The following SH3RF1 variants were observed in gnomAD, a reference collection of about 807,000 sequenced individuals.
SH3RF1 encodes the protein SH3 domain containing ring finger 1, also known as E3 ubiquitin-protein ligase SH3RF1.
SH3RF1 carries 32 observed loss-of-function variants against 74.0 expected under a neutral mutation model. The observed-to-expected ratio is 0.43, with a 90% CI of 0.33 to 0.58. The LOEUF is 0.58. SH3RF1 is among the 20% of genes least tolerant of loss of function. The probability of loss-of-function intolerance (pLI) is 0.05; values close to 1 mark genes in which losing one functional copy is unlikely to be tolerated. For missense variants in SH3RF1, 954 were observed against 1,130.9 expected, an observed-to-expected ratio of 0.84 and a Z score of 2.24; for synonymous variants, 396 against 439.6, an observed-to-expected ratio of 0.90 and a Z score of 1.24.
At chr4:169,250,337 G>T (rs544437432) in intron 2 of SH3RF1, among the ~76,000 whole-genome samples, 1 of 151,250 alleles carries the variant, frequency 6.6e-6, no homozygotes, top group African/African-American at 2.4e-5. Context: ...AAAAGCTTGC[G>T]GCAAGATTAT....
chr4:169,195,799 C>A (rs1734798718), intron 2 of SH3RF1, among the ~76,000 whole-genome samples: 1 of 152,070 alleles, frequency 6.6e-6, no homozygotes, highest in Admixed American at 6.6e-5. Context: ...CACAAGTTCT[C>A]TTGAATTTTT....
intron 6 of SH3RF1, among the ~76,000 whole-genome samples, chr4:169,126,195 C>T (rs1733521096): frequency 1.3e-5 from 2 of 152,216 alleles, no homozygotes; most frequent in Non-Finnish European, 2.9e-5. Flanking sequence ...CCTAGCTTTG[C>T]AGCTAGAAGA....
chr4:169,190,970 A>G (rs557182989), intron 2 of SH3RF1, among the ~76,000 whole-genome samples: 2 of 152,298 alleles, frequency 1.3e-5, no homozygotes, highest in East Asian at 3.9e-4. Context: ...AAAAACAAAA[A>G]TCACATCATC....
chr4:169,150,516 G>C (rs1733959002), intron 4 of SH3RF1, among the ~76,000 whole-genome samples: 1 of 152,054 alleles, frequency 6.6e-6, no homozygotes. Context: ...TCCACTCTCA[G>C]CATTTTTCAA....
At position 169,164,874 on chromosome 4, in the gene SH3RF1, C is replaced by T. The variant is rs1001968953; in HGVS notation, c.394-8195G>A. Among the ~76,000 whole-genome samples the T allele has an allele frequency of 2.6e-5, 4 of 152,228 alleles. No individual in the cohort carries two copies. The South Asian group carries it at 6.2e-4, about 24-fold the overall frequency. On this transcript the variant is annotated intron_variant, in intron 2 of 11. Coordinates refer to ENST00000284637, the MANE Select transcript of SH3RF1 (RefSeq NM_020870.4). ...TGATATGGCATTTCTCTTGGATGGC[C>T]TTAGTACCCAACTGACAGATAAATC...
Position 169,238,964 on chromosome 4 carries a change from G to GC in SH3RF1, c.393+29855dup, listed in dbSNP as rs33954575. 8.4e-3 allele frequency among the ~76,000 whole-genome samples: 1,230 copies of GC among 146,882 alleles called. 25 individuals carry two copies. Among genetic ancestry groups the GC allele is most frequent in the African/African-American group, 0.029 (1,158 of 39,568 alleles). ...GTAAATGACTTCAAAGCTAATTTCC[G>GC]CCCCCCCCCACCCCTTGCCCTTTTT... is the stretch of plus-strand genomic sequence containing the variant. On this transcript the variant is annotated intron_variant, in intron 2 of 11. Transcript: ENST00000284637.
At chr4:169,112,484 T>C (rs937638263) in intron 10 of SH3RF1, among the ~76,000 whole-genome samples, 11 of 152,308 alleles carry the variant, frequency 7.2e-5, no homozygotes, top group African/African-American at 2.6e-4. Context: ...AAAGAAAATA[T>C]ATGCATGACC....
intron 2 of SH3RF1, among the ~76,000 whole-genome samples, chr4:169,181,465 G>A (rs904100968): frequency 1.4e-4 from 22 of 151,884 alleles, no homozygotes; most frequent in Middle Eastern, 3.2e-3. Flanking sequence ...GTTTCACCAT[G>A]TTGGCCAGGA....
intron 2 of SH3RF1, among the ~76,000 whole-genome samples, chr4:169,158,618 G>C (rs1734100569): frequency 6.6e-6 from 1 of 152,200 alleles, no homozygotes; most frequent in African/African-American, 2.4e-5. Flanking sequence ...GACGTGAAGT[G>C]GGCAGGCAGG....
chr4:169,163,887 T>TAAAATTTTTATGTCTGTCAAAAGC (rs1734190589), intron 2 of SH3RF1, among the ~76,000 whole-genome samples: 1 of 152,204 alleles, frequency 6.6e-6, no homozygotes, highest in African/African-American at 2.4e-5. Flanking sequence ...TATGTCTGTC[T>TAAAATTTTTATGTCTGTCAAAAGC]AGGATGACTG....
Position 169,264,868 on chromosome 4 carries a change from G to A in SH3RF1, c.393+3952C>T, listed in dbSNP as rs1447682083. On this transcript the variant is annotated intron_variant, in intron 2 of 11. Transcript: ENST00000284637. ...ACTTACCTTCTGTCAGTTCTTCCTA[G>A]GAGGCACATCCCTTCCTGTTTAGGT... Among the ~76,000 whole-genome samples, 3 of 152,162 alleles carry A rather than the reference G, an allele frequency of 2.0e-5. No individual in the cohort carries two copies. In the East Asian group the frequency reaches 5.8e-4, roughly 29 times the overall value.
In SH3RF1 at chr4:169,106,833, G is replaced by C; in HGVS notation, c.2498+14C>G. ...TCATTTTTTAGTTTTTTCCTGGAAC[G>C]AAGTTGAACTTACCTTTCACAAACG... is the stretch of plus-strand genomic sequence containing the variant. On this transcript the variant is annotated intron_variant, in intron 11 of 11. Transcript: ENST00000284637. 2.0e-6 allele frequency: 3 copies of C among 1,525,926 alleles called. No homozygotes were observed. The South Asian group carries it at 3.8e-5, about 19-fold the overall frequency. The allele number at this position is 1,525,926 out of a possible 1,614,324, so 94.5% of individuals were successfully genotyped here.
intron 2 of SH3RF1, among the ~76,000 whole-genome samples, chr4:169,238,162 C>A (rs1730849623): frequency 6.6e-6 from 1 of 152,184 alleles, no homozygotes; most frequent in Non-Finnish European, 1.5e-5. Context: ...ATATAGTCTT[C>A]AATAAAGCTT....
chr4:169,161,569 C>T (rs1440750071), intron 2 of SH3RF1, among the ~76,000 whole-genome samples: 1 of 152,140 alleles, frequency 6.6e-6, no homozygotes, highest in East Asian at 1.9e-4. Flanking sequence ...ACTCTAAATG[C>T]CAATGCCCAG....
At chr4:169,214,389 C>CT (rs1730428447) in intron 2 of SH3RF1, among the ~76,000 whole-genome samples, 1 of 152,166 alleles carries the variant, frequency 6.6e-6, no homozygotes, top group Admixed American at 6.5e-5. Flanking sequence ...CCAATTAAAC[C>CT]TTTTTTTCTT....
intron 2 of SH3RF1, among the ~76,000 whole-genome samples, chr4:169,200,554 G>C (rs1334385971): frequency 6.6e-6 from 1 of 152,072 alleles, no homozygotes; most frequent in East Asian, 1.9e-4. Flanking sequence ...CAACAGGGAT[G>C]AATCAGAAAC....
intron 2 of SH3RF1, among the ~76,000 whole-genome samples, chr4:169,193,964 GAC>G (rs779675015): frequency 3.3e-5 from 5 of 152,078 alleles, no homozygotes; most frequent in Non-Finnish European, 7.4e-5. Flanking sequence ...GCTGTACTAA[GAC>G]AATCTCAAGG....
chr4:169,230,766 G>C lies in SH3RF1; in HGVS notation c.393+38054C>G, dbSNP rs1730724042. Among the ~76,000 whole-genome samples the C allele has an allele frequency of 3.4e-5, 5 of 149,008 alleles. No homozygotes were observed. In the Admixed American group the frequency reaches 3.4e-4, roughly 10 times the overall value. On this transcript the variant is annotated intron_variant, in intron 2 of 11. Transcript: ENST00000284637. ...CCCAGCTACTCAGGAAGCTGAAGGA[G>C]AATCATTTGAACCCAGGAGGCAGAG...
At chr4:169,218,569 G>C (rs575411804) in intron 2 of SH3RF1, among the ~76,000 whole-genome samples, 37 of 150,322 alleles carry the variant, frequency 2.5e-4, no homozygotes, top group Non-Finnish European at 4.3e-4. Flanking sequence ...CCTTTCCCTG[G>C]AGCCAGGAGA....
Sources: allele counts gnomAD v4.1 joint callset (sites outside exome capture counted in the v4.1 genomes callset), GRCh38; gene constraint gnomAD v4.1.1; transcripts MANE v1.5; gene names NCBI Gene and HGNC (gene_info 2026-07-23, HGNC 2026-07-21).